PKNOX1: variants seen among roughly 807,000 people sequenced by gnomAD.
PKNOX1 encodes homeobox protein PKNOX1.
Under a neutral mutation model 51.9 loss-of-function variants are expected in PKNOX1, and 15 were observed. The observed-to-expected ratio is 0.29, with a 90% CI of 0.19 to 0.45. PKNOX1 has a LOEUF of 0.45. Ranked by LOEUF, PKNOX1 falls within the 20% of genes least tolerant of loss-of-function variation. The pLI is 1.00. For missense variants in PKNOX1, 462 were observed against 547.5 expected, an observed-to-expected ratio of 0.84 and a Z score of 1.56; for synonymous variants, 219 against 211.1, an observed-to-expected ratio of 1.04 and a Z score of -0.32.
intron 9 of PKNOX1, among the ~76,000 whole-genome samples, chr21:43,027,030 A>G (rs1321501960): frequency 3.3e-5 from 5 of 152,188 alleles, no homozygotes; most frequent in Non-Finnish European, 7.3e-5. Flanking sequence ...TTAAAAAAAG[A>G]AAGAAGTTGT....
At chr21:43,009,973 A>G in intron 3 of PKNOX1, 80 bp from the exon 4 acceptor site, 2 of 773,712 alleles carry the variant, frequency 2.6e-6, no homozygotes, top group South Asian at 5.0e-5. Context: ...GTGTTAGTGA[A>G]GTAGTGCAGG....
chr21:43,014,221 C>T (rs565519502), intron 5 of PKNOX1, among the ~76,000 whole-genome samples: 1 of 152,160 alleles, frequency 6.6e-6, no homozygotes, highest in East Asian at 1.9e-4. Context: ...CGGGGTTTCA[C>T]CGTATTAGCC....
intron 9 of PKNOX1, among the ~76,000 whole-genome samples, chr21:43,026,152 C>A (rs1007003520): frequency 6.6e-6 from 1 of 152,084 alleles, no homozygotes; most frequent in Non-Finnish European, 1.5e-5. Context: ...GCTGGTGCCC[C>A]GTCACTGCTC....
intron 9 of PKNOX1, among the ~76,000 whole-genome samples, chr21:43,028,195 A>C (rs1283973708): frequency 6.6e-6 from 1 of 152,220 alleles, no homozygotes; most frequent in East Asian, 1.9e-4. Context: ...TGGTGAAACA[A>C]GAGGAGGTGG....
intron 1 of PKNOX1, among the ~76,000 whole-genome samples, chr21:42,978,165 C>T (rs2059007128): frequency 6.6e-6 from 1 of 151,950 alleles, no homozygotes; most frequent in South Asian, 2.1e-4. Context: ...AGCATGTGTC[C>T]AGCTAATTTT....
chr21:42,980,193 G>A (rs2059019492), intron 1 of PKNOX1, among the ~76,000 whole-genome samples: 1 of 151,992 alleles, frequency 6.6e-6, no homozygotes, highest in Admixed American at 6.6e-5. Context: ...GCCAAGATGG[G>A]GCAACCCCTG....
intron 1 of PKNOX1, among the ~76,000 whole-genome samples, chr21:42,985,627 G>T (rs1047945433): frequency 6.7e-6 from 1 of 149,858 alleles, no homozygotes; most frequent in Non-Finnish European, 1.5e-5. Flanking sequence ...GAGCCACCAC[G>T]TCCGGCCAGG....
At chr21:43,004,648 A>C (rs946327714) in intron 2 of PKNOX1, among the ~76,000 whole-genome samples, 1 of 152,212 alleles carries the variant, frequency 6.6e-6, no homozygotes, top group African/African-American at 2.4e-5. Flanking sequence ...TGACTTCCCT[A>C]AGTCATATGA....
chr21:43,030,302 C>G lies in PKNOX1; in HGVS notation c.*201C>G. ...GTGTGTGTGTGTGTGTGCGTGTGTG[C>G]GTGTGTGTGGATTTTTAAAGAAATT... On this transcript the variant is annotated 3_prime_UTR_variant, in exon 11 of 11. Coordinates refer to ENST00000291547, the MANE Select transcript of PKNOX1 (RefSeq NM_004571.5). 1 of 381,214 alleles carries G rather than the reference C, an allele frequency of 2.6e-6. No homozygotes were observed. Among genetic ancestry groups the G allele is most frequent in the Non-Finnish European group, 4.7e-6 (1 of 214,218 alleles). 23.6% of individuals were successfully genotyped at this position (381,214 alleles called of 1,614,324 possible). A position where few individuals can be genotyped will look rare whatever the true frequency, so the allele number is the denominator to read the frequency against.
chr21:42,975,062 C>CGT (rs2058985724), intron 1 of PKNOX1, among the ~76,000 whole-genome samples: 3 of 76,146 alleles, frequency 3.9e-5, no homozygotes, highest in Non-Finnish European at 8.7e-5. Context: ...CGGGGGCGCG[C>CGT]GGAGCCCGGC....
At chr21:42,991,249 G>C (rs532648317) in intron 1 of PKNOX1, among the ~76,000 whole-genome samples, 1 of 151,998 alleles carries the variant, frequency 6.6e-6, no homozygotes, top group African/African-American at 2.4e-5. Flanking sequence ...CATTTCGTGA[G>C]GCCAAGGTGG....
At chr21:42,998,030 C>T (rs1005329054) in intron 1 of PKNOX1, among the ~76,000 whole-genome samples, 2 of 152,158 alleles carry the variant, frequency 1.3e-5, no homozygotes, top group African/African-American at 4.8e-5. Flanking sequence ...TCAGGTAGCT[C>T]ACACCTTGTG....
intron 8 of PKNOX1, among the ~76,000 whole-genome samples, chr21:43,022,831 T>G (rs1979822234): frequency 6.6e-6 from 1 of 152,086 alleles, no homozygotes; most frequent in African/African-American, 2.4e-5. Context: ...CTCTAAGCAG[T>G]CGGGAGGTTT....
At chr21:43,010,011 A>T (rs1483400901) in intron 3 of PKNOX1, 42 bp from the exon 4 acceptor site, 7 of 1,305,976 alleles carry the variant, frequency 5.4e-6, no homozygotes, top group African/African-American at 1.5e-5. Flanking sequence ...TCTCACGGAG[A>T]TGTAGAACGT....
rs1314733339 is a variant in PKNOX1 at position 42,985,009 on chromosome 21, A to G, written c.-57+10345A>G. 3.5e-3 allele frequency among the ~76,000 whole-genome samples: 332 copies of G among 95,746 alleles called. 6 individuals are homozygous for G. Among genetic ancestry groups the G allele is most frequent in the African/African-American group, 0.013 (316 of 24,326 alleles). 62.8% of individuals were successfully genotyped at this position (95,746 alleles called of 152,430 possible). On this transcript the variant is annotated intron_variant, in intron 1 of 10. Coordinates refer to ENST00000291547, the MANE Select transcript of PKNOX1 (RefSeq NM_004571.5). ...TTTTTTTTTTTTTTTTTTGAGATGG[A>G]GTCTCACTCGCTCTGTTGCCCAGGC...
At chr21:43,023,573 C>T (rs1473257234) in intron 8 of PKNOX1, among the ~76,000 whole-genome samples, 1 of 151,994 alleles carries the variant, frequency 6.6e-6, no homozygotes, top group Non-Finnish European at 1.5e-5. Flanking sequence ...TTTACCATAG[C>T]TAGAAATCAT....
intron 1 of PKNOX1, among the ~76,000 whole-genome samples, chr21:42,980,453 G>A (rs1396808379): frequency 6.6e-6 from 1 of 152,146 alleles, no homozygotes; most frequent in South Asian, 2.1e-4. Flanking sequence ...TCCTATTTGC[G>A]GCTTACACTT....
At chr21:42,990,417 A>G (rs1279872895) in intron 1 of PKNOX1, among the ~76,000 whole-genome samples, 1 of 152,216 alleles carries the variant, frequency 6.6e-6, no homozygotes, top group Admixed American at 6.5e-5. Flanking sequence ...AACTGTTTGT[A>G]GAGTATAGCC....
Position 43,031,081 on chromosome 21 carries a change from T to C in PKNOX1, c.*980T>C, listed in dbSNP as rs917541322. 2 of 152,652 alleles carry C rather than the reference T, an allele frequency of 1.3e-5. No individual in the cohort carries two copies. Among genetic ancestry groups the C allele is most frequent in the African/African-American group, 4.8e-5 (2 of 41,444 alleles). 9.5% of individuals were successfully genotyped at this position (152,652 alleles called of 1,614,324 possible). ...CGTTAGGAGCTCTCACCGTACATAC[T>C]CCAGTCTAATTTAAATCTGACCACA... On this transcript the variant is annotated 3_prime_UTR_variant, in exon 11 of 11. Coordinates refer to ENST00000291547, the MANE Select transcript of PKNOX1 (RefSeq NM_004571.5).
Sources: gnomAD v4.1 joint callset for allele counts (sites outside exome capture counted in the v4.1 genomes callset) on GRCh38, gnomAD v4.1.1 for gene constraint, MANE v1.5 for transcripts, NCBI Gene and HGNC (gene_info 2026-07-23, HGNC 2026-07-21) for gene names.